The following BBX variants were observed in gnomAD, a reference collection of about 807,000 sequenced individuals.
BBX encodes the protein HMG box transcription factor BBX.
A neutral mutation model predicts 100.2 loss-of-function variants in BBX; 30 were observed. The observed-to-expected ratio is 0.30, with a 90% CI of 0.22 to 0.41. BBX has a LOEUF of 0.41. BBX is among the 10% of genes least tolerant of loss of function. The probability of loss-of-function intolerance (pLI) is 1.00; values close to 1 mark genes in which losing one functional copy is unlikely to be tolerated. For synonymous variants in BBX, 376 were observed against 388.1 expected, an observed-to-expected ratio of 0.97 and a Z score of 0.37; for missense variants, 1,023 against 1,129.8, an observed-to-expected ratio of 0.91 and a Z score of 1.35.
At chr3:107,767,876 A>G (rs2066524693) in intron 10 of BBX, among the ~76,000 whole-genome samples, 1 of 151,946 alleles carries the variant, frequency 6.6e-6, no homozygotes, top group Admixed American at 6.6e-5. Flanking sequence ...CTGACAGGAG[A>G]CTGGGAGATG....
At chr3:107,576,680 T>A (rs2051801621) in intron 2 of BBX, among the ~76,000 whole-genome samples, 1 of 151,886 alleles carries the variant, frequency 6.6e-6, no homozygotes, top group African/African-American at 2.4e-5. Flanking sequence ...CAATATTTTT[T>A]AGATACAAGT....
At chr3:107,525,012 A>C (rs2047649200) in intron 1 of BBX, among the ~76,000 whole-genome samples, 2 of 147,892 alleles carry the variant, frequency 1.4e-5, no homozygotes, top group Admixed American at 6.7e-5. Context: ...CCGCGCGGGG[A>C]GGGGCGTTCT....
chr3:107,682,178 G>A (rs892271949), intron 3 of BBX, among the ~76,000 whole-genome samples: 11 of 152,028 alleles, frequency 7.2e-5, no homozygotes, highest in African/African-American at 2.2e-4. Flanking sequence ...AGTGAGGTTC[G>A]AGGAAGGAAA....
At chr3:107,732,839 G>A (rs1348632632) in intron 6 of BBX, 117 bp from the exon 7 acceptor site, 1 of 818,730 alleles carries the variant, frequency 1.2e-6, no homozygotes, top group Non-Finnish European at 1.9e-6. Flanking sequence ...TTTATAAAAA[G>A]TTATATGTGG....
chr3:107,700,693 G>T (rs962306201), intron 3 of BBX, among the ~76,000 whole-genome samples: 1 of 148,784 alleles, frequency 6.7e-6, no homozygotes, highest in African/African-American at 2.5e-5. Context: ...GCGGTGTTTG[G>T]TTTTTGTCCT....
At position 107,609,853 on chromosome 3, in the gene BBX, T is replaced by C. The variant is rs199624274; in HGVS notation, c.-83-35983T>C. 2.8e-4 allele frequency among the ~76,000 whole-genome samples: 42 copies of C among 152,238 alleles called. No homozygotes were observed. In the East Asian group the frequency reaches 7.7e-3, roughly 28 times the overall value. ...CATTTGTTGATATTTTGTATTGTTT[T>C]CTTTATTTCAATTTCATTTATTTCT... On this transcript the variant is annotated intron_variant, in intron 2 of 17. Coordinates refer to ENST00000325805, the MANE Select transcript of BBX (RefSeq NM_001142568.3).
chr3:107,710,305 G>A (rs908238596), intron 3 of BBX, 147 bp from the exon 4 acceptor site: 19 of 577,344 alleles, frequency 3.3e-5, no homozygotes, highest in Non-Finnish European at 5.3e-5. Flanking sequence ...CAGTAAATGA[G>A]CTGATAGTAT....
intron 3 of BBX, among the ~76,000 whole-genome samples, chr3:107,670,036 T>G (rs896875459): frequency 6.6e-6 from 1 of 152,170 alleles, no homozygotes; most frequent in Non-Finnish European, 1.5e-5. Flanking sequence ...TTTATATATA[T>G]TCTTTCATGT....
At chr3:107,708,798 G>T (rs1461665631) in intron 3 of BBX, among the ~76,000 whole-genome samples, 1 of 151,938 alleles carries the variant, frequency 6.6e-6, no homozygotes, top group East Asian at 1.9e-4. Flanking sequence ...TCAGTAAATT[G>T]TGATACATTC....
chr3:107,649,330 A>G (rs1281760585), intron 3 of BBX, among the ~76,000 whole-genome samples: 1 of 152,190 alleles, frequency 6.6e-6, no homozygotes, highest in East Asian at 1.9e-4. Context: ...AGAAGGCAAG[A>G]CACTATAGCA....
intron 3 of BBX, among the ~76,000 whole-genome samples, chr3:107,650,529 C>T (rs916677517): frequency 1.3e-5 from 2 of 152,048 alleles, no homozygotes; most frequent in Non-Finnish European, 2.9e-5. Flanking sequence ...TCAAGTACAA[C>T]ATAGTAATAT....
chr3:107,576,752 T>C (rs1231934533), intron 2 of BBX, among the ~76,000 whole-genome samples: 1 of 152,214 alleles, frequency 6.6e-6, no homozygotes, highest in African/African-American at 2.4e-5. Context: ...ATTTTTGTTT[T>C]AACATTAGGG....
intron 3 of BBX, among the ~76,000 whole-genome samples, chr3:107,649,158 A>G (rs2057693835): frequency 6.6e-6 from 1 of 152,204 alleles, no homozygotes; most frequent in Non-Finnish European, 1.5e-5. Flanking sequence ...CTTAATCACC[A>G]TTACAAGAAT....
intron 3 of BBX, among the ~76,000 whole-genome samples, chr3:107,679,320 A>G (rs978351945): frequency 2.4e-4 from 36 of 152,146 alleles, no homozygotes; most frequent in African/African-American, 8.2e-4. Context: ...TTTAATTTGT[A>G]TGGAATTTAC....
At position 107,806,464 on chromosome 3, in the gene BBX, T is replaced by C. The variant is rs1576910942; in HGVS notation, c.*1007T>C. 6.6e-6 allele frequency: 1 copy of C among 152,250 alleles called. No homozygotes were observed. Among genetic ancestry groups the C allele is most frequent in the African/African-American group, 2.4e-5 (1 of 41,458 alleles). 9.4% of individuals were successfully genotyped at this position (152,250 alleles called of 1,614,324 possible). On this transcript the variant is annotated 3_prime_UTR_variant, in exon 18 of 18. Coordinates refer to ENST00000325805, the MANE Select transcript of BBX (RefSeq NM_001142568.3). The stretch of plus-strand genomic sequence containing the variant: ...ACAGACCTTTTACATCCATCACAGA[T>C]TGGCTGGACGGGTTGCAATTGCTAT...
intron 13 of BBX, among the ~76,000 whole-genome samples, chr3:107,787,544 G>T (rs1189708926): frequency 1.3e-5 from 2 of 152,142 alleles, no homozygotes; most frequent in South Asian, 4.2e-4. Flanking sequence ...TATTTTTGAG[G>T]TGATGAAATG....
In BBX at chr3:107,530,075, A is replaced by G. The variant is rs2048054935; in HGVS notation, c.-84+3677A>G. On this transcript the variant is annotated intron_variant, in intron 2 of 17. Transcript: ENST00000325805. ...AATCTAGATAGTGAAATGACTTCAG[A>G]TAATGAGAAGGTTTGTATAAAATGC... Among the ~76,000 whole-genome samples, 3 of 152,336 alleles carry G rather than the reference A, an allele frequency of 2.0e-5. No homozygotes were observed. In the South Asian group the frequency reaches 6.2e-4, roughly 32 times the overall value.
At chr3:107,596,052 A>T (rs1336551432) in intron 2 of BBX, among the ~76,000 whole-genome samples, 1 of 152,200 alleles carries the variant, frequency 6.6e-6, no homozygotes, top group Non-Finnish European at 1.5e-5. Context: ...GCAAATCTCC[A>T]AATAGTTTTC....
chr3:107,707,954 G>A (rs929948272), intron 3 of BBX, among the ~76,000 whole-genome samples: 36 of 152,252 alleles, frequency 2.4e-4, no homozygotes, highest in African/African-American at 7.9e-4. Context: ...CCAACTGATA[G>A]AAGTTGCCTT....
Sources: gnomAD v4.1 joint callset for allele counts (sites outside exome capture counted in the v4.1 genomes callset) on GRCh38, gnomAD v4.1.1 for gene constraint, MANE v1.5 for transcripts, NCBI Gene and HGNC (gene_info 2026-07-23, HGNC 2026-07-21) for gene names.